STK32C: variants seen among roughly 807,000 people sequenced by gnomAD.
STK32C encodes the protein serine/threonine kinase 32C.
STK32C carries 31 observed loss-of-function variants against 56.5 expected under a neutral mutation model. The observed-to-expected ratio is 0.55, with a 90% CI of 0.41 to 0.74. STK32C has a LOEUF of 0.74. Among genes scored for constraint, STK32C ranks in the 30% least tolerant of loss-of-function variants. The pLI is 0.00. For synonymous variants in STK32C, 309 were observed against 289.4 expected, an observed-to-expected ratio of 1.07 and a Z score of -0.69; for missense variants, 544 against 676.9, an observed-to-expected ratio of 0.80 and a Z score of 2.18.
upstream of STK32C, among the ~76,000 whole-genome samples, chr10:132,308,749 A>G (rs1236637184): frequency 2.0e-5 from 3 of 152,168 alleles, no homozygotes; most frequent in Admixed American, 6.5e-5. Flanking sequence ...CAGATGCGAC[A>G]GGGGCCTCGG....
intron 1 of STK32C, among the ~76,000 whole-genome samples, chr10:132,325,186 C>T (rs1173174750): frequency 6.6e-6 from 1 of 152,060 alleles, no homozygotes; most frequent in Non-Finnish European, 1.5e-5. Context: ...GTAACTGAAT[C>T]ATGGGGACAA....
chr10:132,210,865 G>A (rs1033937589), intron 10 of STK32C, among the ~76,000 whole-genome samples: 4 of 152,216 alleles, frequency 2.6e-5, no homozygotes, highest in East Asian at 3.9e-4. Context: ...CCCTGGCAGC[G>A]GGAATGTGGA....
chr10:132,224,569 G>GAC, intron 7 of STK32C, 46 bp from the exon 8 acceptor site: 4 of 1,439,198 alleles, frequency 2.8e-6, no homozygotes, highest in Non-Finnish European at 3.8e-6. Context: ...TGGCCCCCAG[G>GAC]ACACCCAGAA....
chr10:132,304,911 C>G (rs2066011802), intron 1 of STK32C, among the ~76,000 whole-genome samples: 1 of 152,338 alleles, frequency 6.6e-6, no homozygotes, highest in South Asian at 2.1e-4. Flanking sequence ...GCTAATGCCA[C>G]GTCAGGCTGG....
At chr10:132,244,535 C>T (rs764208178) in intron 2 of STK32C, among the ~76,000 whole-genome samples, 3 of 152,216 alleles carry the variant, frequency 2.0e-5, no homozygotes, top group Non-Finnish European at 4.4e-5. Context: ...CCGCCAGCCT[C>T]GCTCCCCAGG....
intron 1 of STK32C, among the ~76,000 whole-genome samples, chr10:132,265,832 C>T (rs541391807): frequency 6.6e-6 from 1 of 152,318 alleles, no homozygotes; most frequent in East Asian, 1.9e-4. Context: ...TCCCCCCGGA[C>T]AGCCAGGGAG....
rs189785195 is a variant in STK32C at position 132,278,589 on chromosome 10, A to G, written c.262+28983T>C. The stretch of plus-strand genomic sequence containing the variant: ...ATCCTGGCTAACACGGTGAAACCCC[A>G]TCTCTACTAAAAATAGAAAAAATTA... On this transcript the variant is annotated intron_variant, in intron 1 of 11. Coordinates refer to ENST00000298630, the MANE Select transcript of STK32C (RefSeq NM_173575.4). Among the ~76,000 whole-genome samples the G allele has an allele frequency of 1.7e-3, 262 of 152,016 alleles. 2 individuals carry two copies. Among genetic ancestry groups the G allele is most frequent in the African/African-American group, 6.2e-3 (257 of 41,460 alleles).
intron 1 of STK32C, among the ~76,000 whole-genome samples, chr10:132,298,124 T>C (rs10781568): frequency 0.44 from 66,797 of 152,046 alleles, 16,749 homozygotes; most frequent in African/African-American, 0.68. Context: ...GTCCCTGCTC[T>C]CCCGGCCCCA....
At chr10:132,267,505 C>T (rs531661979) in intron 1 of STK32C, among the ~76,000 whole-genome samples, 4 of 143,354 alleles carry the variant, frequency 2.8e-5, no homozygotes, top group South Asian at 2.1e-4. Flanking sequence ...GCATGTCCCA[C>T]ATCGTGTGTG....
intron 1 of STK32C, among the ~76,000 whole-genome samples, chr10:132,267,044 G>A (rs1212437460): frequency 1.3e-5 from 2 of 152,172 alleles, no homozygotes; most frequent in Admixed American, 6.5e-5. Flanking sequence ...CCGCTGCAGT[G>A]GGGAGACCCA....
At chr10:132,320,450 G>C (rs1263340126), downstream of STK32C, among the ~76,000 whole-genome samples, 1 of 152,116 alleles carries the variant, frequency 6.6e-6, no homozygotes, top group East Asian at 1.9e-4. Context: ...GAAAACTTAA[G>C]AGTGGGAAGA....
chr10:132,263,861 A>G (rs1316906443), intron 1 of STK32C, among the ~76,000 whole-genome samples: 1 of 131,546 alleles, frequency 7.6e-6, no homozygotes, highest in Non-Finnish European at 1.7e-5. Context: ...ACGAGACTCC[A>G]TCTCAAAAAA....
At chr10:132,241,863 T>C (rs2063513328) in intron 2 of STK32C, among the ~76,000 whole-genome samples, 1 of 152,058 alleles carries the variant, frequency 6.6e-6, no homozygotes, top group Non-Finnish European at 1.5e-5. Flanking sequence ...TCCCAGGACT[T>C]TGGGAGGCTG....
chr10:132,269,540 G>A (rs1425380835), intron 1 of STK32C, among the ~76,000 whole-genome samples: 1 of 152,242 alleles, frequency 6.6e-6, no homozygotes, highest in Non-Finnish European at 1.5e-5. Context: ...TCTGCTAAGA[G>A]CCAGCGCCTC....
chr10:132,263,089 G>A (rs2064358234), intron 1 of STK32C, among the ~76,000 whole-genome samples: 1 of 152,136 alleles, frequency 6.6e-6, no homozygotes. Context: ...TCCCATTATG[G>A]GTACGTATCC....
chr10:132,223,420 T>G (rs1164197443), intron 8 of STK32C, among the ~76,000 whole-genome samples: 2 of 152,218 alleles, frequency 1.3e-5, no homozygotes, highest in Non-Finnish European at 2.9e-5. Context: ...ATGCATGGCC[T>G]GGGAAGCAAC....
chr10:132,216,192 C>T (rs749442538), intron 10 of STK32C, among the ~76,000 whole-genome samples: 4 of 152,222 alleles, frequency 2.6e-5, no homozygotes, highest in South Asian at 2.1e-4. Context: ...TGGCTGGGCA[C>T]GGTGGCTCAC....
At chr10:132,246,810 C>A (rs944826316) in intron 1 of STK32C, among the ~76,000 whole-genome samples, 11 of 152,238 alleles carry the variant, frequency 7.2e-5, no homozygotes, top group South Asian at 6.2e-4. Flanking sequence ...CCAGGACGAG[C>A]CCCTCCAGAT....
rs369932895 is a variant in STK32C at position 132,282,017 on chromosome 10, C to T, written c.262+25555G>A. Among the ~76,000 whole-genome samples the T allele has an allele frequency of 2.5e-3, 387 of 152,346 alleles. 2 individuals are homozygous for T. Among genetic ancestry groups the T allele is most frequent in the African/African-American group, 9.1e-3 (379 of 41,572 alleles). On this transcript the variant is annotated intron_variant, in intron 1 of 11. Coordinates refer to ENST00000298630, the MANE Select transcript of STK32C (RefSeq NM_173575.4). ...CTGAGCGCCGACATTCAGAGGGAGG[C>T]GCCTCCCTGATCCCGGCCTGGAGGC... is the stretch of plus-strand genomic sequence containing the variant.
Sources: allele counts gnomAD v4.1 joint callset (sites outside exome capture counted in the v4.1 genomes callset), GRCh38; gene constraint gnomAD v4.1.1; transcripts MANE v1.5; gene names NCBI Gene and HGNC (gene_info 2026-07-23, HGNC 2026-07-21).